The following TRAPPC8 variants were observed in gnomAD, a reference collection of about 807,000 sequenced individuals.
The protein encoded by TRAPPC8 is general sporulation gene 1 homolog.
Under a neutral mutation model 174.3 loss-of-function variants are expected in TRAPPC8, and 54 were observed. That is an observed-to-expected ratio of 0.31 (90% CI 0.25 to 0.39). The LOEUF is 0.39. Among genes scored for constraint, TRAPPC8 ranks in the 10% least tolerant of loss-of-function variants. TRAPPC8 has a pLI of 1.00. For synonymous variants in TRAPPC8, 630 were observed against 579.9 expected (o/e 1.09, Z -1.24); for missense variants, 1,531 against 1,699.1 (o/e 0.90, Z 1.74).
intron 24 of TRAPPC8, among the ~76,000 whole-genome samples, chr18:31,850,389 G>A (rs2033648241): frequency 6.6e-6 from 1 of 152,090 alleles, no homozygotes; most frequent in Admixed American, 6.5e-5. Context: ...TTGAAAACCT[G>A]TATTTTAAAA....
At chr18:31,867,904 G>A (rs575271385) in intron 16 of TRAPPC8, among the ~76,000 whole-genome samples, 34 of 151,982 alleles carry the variant, frequency 2.2e-4, no homozygotes, top group Middle Eastern at 3.4e-3. Flanking sequence ...CAAAGATACC[G>A]CCACCAAGAT....
chr18:31,831,223 C>T (rs1339525880), intron 28 of TRAPPC8, among the ~76,000 whole-genome samples: 3 of 151,982 alleles, frequency 2.0e-5, no homozygotes, highest in Non-Finnish European at 4.4e-5. Flanking sequence ...TGGTGGTGCA[C>T]GCCTGTAATC....
At chr18:31,916,542 T>C in intron 3 of TRAPPC8, 96 bp from the exon 4 acceptor site, 2 of 1,292,072 alleles carry the variant, frequency 1.5e-6, no homozygotes, top group East Asian at 5.3e-5. Flanking sequence ...TGTTTGTTTG[T>C]TTGTTTCTGA....
intron 2 of TRAPPC8, among the ~76,000 whole-genome samples, chr18:31,930,083 T>A (rs2037784260): frequency 6.6e-6 from 1 of 151,898 alleles, no homozygotes; most frequent in Admixed American, 6.6e-5. Context: ...TGACCTAACA[T>A]ATGCCTGTTT....
chr18:31,916,846 C>CAA (rs5823825), intron 3 of TRAPPC8, among the ~76,000 whole-genome samples: 33,521 of 126,618 alleles, frequency 0.26, 5,090 homozygotes, highest in South Asian at 0.54. Flanking sequence ...ATTTTCACAG[C>CAA]AAAAAAAAAA....
intron 23 of TRAPPC8, 37 bp downstream of exon 23, chr18:31,852,558 G>T: frequency 6.2e-7 from 1 of 1,613,380 alleles, no homozygotes; most frequent in South Asian, 1.1e-5. Context: ...AATATAAAAT[G>T]ACCATTTAGT....
In TRAPPC8 at chr18:31,890,782, C is replaced by T. The variant is rs1301034025; in HGVS notation, c.1681G>A (p.Ala561Thr). The T allele has an allele frequency of 3.1e-6, 5 of 1,612,408 alleles. No homozygotes were observed. The highest frequency in any genetic ancestry group is 4.2e-6 in the Non-Finnish European group (5 of 1,179,032). ...NMKSPMVRKY[A>T]FHMILAGHRF... ...TGGCCTGCCAATATCATATGAAATG[C>T]ATATTTTCTAACCATGGGACTTTTC... The change falls in exon 12 of 29, where the codon GCA (alanine) becomes ACA (threonine). Residue 561 changes from alanine to threonine, a missense_variant. By Grantham distance (58) the Ala-to-Thr change is moderately conservative. Coordinates refer to ENST00000283351, the MANE Select transcript of TRAPPC8 (RefSeq NM_014939.5).
At chr18:31,928,693 A>C (rs1435325843) in intron 2 of TRAPPC8, among the ~76,000 whole-genome samples, 1 of 152,152 alleles carries the variant, frequency 6.6e-6, no homozygotes, top group Non-Finnish European at 1.5e-5. Context: ...TATAAATTAG[A>C]CCTTACTATG....
In TRAPPC8 at chr18:31,830,580, T is replaced by C. The variant is rs1598569189; in HGVS notation, c.*175A>G. 1.7e-6 allele frequency: 1 copy of C among 584,560 alleles called. No homozygotes were observed. Among genetic ancestry groups the C allele is most frequent in the East Asian group, 2.8e-5 (1 of 35,136 alleles). The allele number at this position is 584,560 out of a possible 1,614,324, so 36.2% of individuals were successfully genotyped here. A position where few individuals can be genotyped will look rare whatever the true frequency, so the allele number is the denominator to read the frequency against. On this transcript the variant is annotated 3_prime_UTR_variant, in exon 29 of 29. Transcript: ENST00000283351. ...TTTAAAGAAATACAGAAAAAGAATG[T>C]TAAGTATTCTCAGTCCAACGTGCTT...
chr18:31,899,128 A>G (rs1241506454), intron 10 of TRAPPC8, among the ~76,000 whole-genome samples: 1 of 152,220 alleles, frequency 6.6e-6, no homozygotes, highest in Admixed American at 6.5e-5. Context: ...ACTAACTCCT[A>G]TATACTAGCA....
chr18:31,867,998 A>C (rs1215055179), intron 16 of TRAPPC8, among the ~76,000 whole-genome samples: 4 of 152,202 alleles, frequency 2.6e-5, no homozygotes, highest in Non-Finnish European at 5.9e-5. Flanking sequence ...CAATAATAGC[A>C]AATTTCTTCT....
At chr18:31,874,376 T>G in intron 13 of TRAPPC8, 104 bp downstream of exon 13, 1 of 1,226,390 alleles carries the variant, frequency 8.2e-7, no homozygotes, top group Non-Finnish European at 1.1e-6. Context: ...GACTGATAAC[T>G]ACATATATTC....
intron 12 of TRAPPC8, among the ~76,000 whole-genome samples, chr18:31,883,901 T>C (rs1397006424): frequency 6.6e-6 from 1 of 152,012 alleles, no homozygotes; most frequent in Non-Finnish European, 1.5e-5. Context: ...GAAAAACCAG[T>C]TGGGAGGTCG....
At chr18:31,857,447 C>A in intron 20 of TRAPPC8, 93 bp downstream of exon 20, 1 of 1,075,594 alleles carries the variant, frequency 9.3e-7, no homozygotes, top group Non-Finnish European at 1.3e-6. Flanking sequence ...AGAGTAATTT[C>A]TTAACATGTT....
At chr18:31,871,158 T>C in intron 14 of TRAPPC8, 38 bp from the exon 15 acceptor site, 1 of 1,256,904 alleles carries the variant, frequency 8.0e-7, no homozygotes, top group Non-Finnish European at 1.1e-6. Context: ...TATGAAGACT[T>C]GCCCTCAAAT....
At chr18:31,841,663 A>G (rs1193637365) in intron 26 of TRAPPC8, among the ~76,000 whole-genome samples, 1 of 152,220 alleles carries the variant, frequency 6.6e-6, no homozygotes, top group African/African-American at 2.4e-5. Flanking sequence ...ACTTAAAATT[A>G]TAATTTTATA....
chr18:31,932,378 G>A (rs367563663), intron 1 of TRAPPC8, among the ~76,000 whole-genome samples: 35 of 150,622 alleles, frequency 2.3e-4, no homozygotes, highest in Middle Eastern at 6.8e-3. Flanking sequence ...AGCGAGCCGA[G>A]ATTGCACTGC....
chr18:31,891,874 A>T (rs966423896), intron 11 of TRAPPC8, among the ~76,000 whole-genome samples: 25 of 152,202 alleles, frequency 1.6e-4, no homozygotes, highest in Admixed American at 2.6e-4. Context: ...TAGAGCTGAA[A>T]CAGACTCGAG....
In TRAPPC8 at chr18:31,855,696, A is replaced by G. The variant is rs762482571; in HGVS notation, c.3300T>C (p.Asn1100=). ...TTTCCACATCCACAAAGACTAGCAT[A>G]TTGCCTCCTCTGCCTTCTTCATTTT... ...SLENEEGRGG[N]MLVFVDVENT... The change falls in exon 21 of 29, where the codon AAT becomes AAC. Residue 1100 remains asparagine, a synonymous_variant. Transcript: ENST00000283351. The G allele has an allele frequency of 1.0e-5, 16 of 1,607,800 alleles. No individual in the cohort carries two copies. The highest frequency in any genetic ancestry group is 1.7e-5 in the Admixed American group (1 of 58,138).
Sources: allele counts gnomAD v4.1 joint callset (sites outside exome capture counted in the v4.1 genomes callset), GRCh38; gene constraint gnomAD v4.1.1; transcripts MANE v1.5; gene names NCBI Gene and HGNC (gene_info 2026-07-23, HGNC 2026-07-21).